The following GLCCI1 variants were observed in gnomAD, a reference collection of about 807,000 sequenced individuals.
GLCCI1 encodes the protein glucocorticoid-induced transcript 1 protein.
GLCCI1 carries 24 observed loss-of-function variants against 52.2 expected under a neutral mutation model. The ratio of observed to expected loss-of-function variants is 0.46; its 90% CI spans 0.33 to 0.65. The LOEUF (loss-of-function observed/expected upper bound fraction) is 0.65. Among genes scored for constraint, GLCCI1 ranks in the 30% least tolerant of loss-of-function variants. The probability of loss-of-function intolerance (pLI) is 0.02; values close to 1 mark genes in which losing one functional copy is unlikely to be tolerated. For missense variants in GLCCI1, 704 were observed against 701.5 expected (o/e 1.00, Z -0.04); for synonymous variants, 310 against 276.5 (o/e 1.12, Z -1.20).
chr7:7,991,768 A>T (rs1780842158), intron 1 of GLCCI1, among the ~76,000 whole-genome samples: 1 of 152,092 alleles, frequency 6.6e-6, no homozygotes, highest in African/African-American at 2.4e-5. Flanking sequence ...CATGGTAAAT[A>T]TCTTTCTCCA....
rs1272475112 is a variant in GLCCI1 at position 8,087,678 on chromosome 7, G to A, written c.*1140G>A. On this transcript the variant is annotated 3_prime_UTR_variant, in exon 8 of 8. Transcript: ENST00000223145. The stretch of plus-strand genomic sequence containing the variant: ...ATTGTCTTCCTCAAGCAGTTTAGGT[G>A]CATGATCTTCATTTACATAGAATAC... 2.0e-5 allele frequency: 3 copies of A among 152,610 alleles called. No homozygotes were observed. The highest frequency in any genetic ancestry group is 2.1e-4 in the South Asian group (1 of 4,832). 9.5% of individuals were successfully genotyped at this position (152,610 alleles called of 1,614,324 possible).
chr7:8,057,792 C>T (rs1038783227), intron 4 of GLCCI1, among the ~76,000 whole-genome samples: 8 of 151,960 alleles, frequency 5.3e-5, no homozygotes, highest in Non-Finnish European at 8.8e-5. Flanking sequence ...GAGTCCAGTG[C>T]GCTTACACTA....
chr7:8,049,532 T>C (rs1339490586), intron 3 of GLCCI1, among the ~76,000 whole-genome samples: 1 of 152,190 alleles, frequency 6.6e-6, no homozygotes, highest in African/African-American at 2.4e-5. Context: ...CATTATCTTT[T>C]AAAAACCAGA....
chr7:7,970,933 A>ATT (rs5882147), intron 1 of GLCCI1, among the ~76,000 whole-genome samples: 101 of 149,000 alleles, frequency 6.8e-4, no homozygotes, highest in South Asian at 1.7e-3. Context: ...GGTATGTGGA[A>ATT]TTTTTTTTTT....
intron 3 of GLCCI1, among the ~76,000 whole-genome samples, chr7:8,053,300 T>G (rs1233051848): frequency 5.1e-5 from 6 of 117,336 alleles, no homozygotes; most frequent in East Asian, 2.1e-4. Flanking sequence ...TTTTGTTTTG[T>G]TTTTTTTTGT....
intron 1 of GLCCI1, among the ~76,000 whole-genome samples, chr7:7,998,653 C>T (rs1583958571): frequency 6.6e-6 from 1 of 152,120 alleles, no homozygotes; most frequent in East Asian, 1.9e-4. Context: ...AGCATTCTAC[C>T]TTAGAGTGTT....
chr7:8,067,386 A>C (rs1782653812), intron 5 of GLCCI1, among the ~76,000 whole-genome samples: 1 of 152,184 alleles, frequency 6.6e-6, no homozygotes, highest in African/African-American at 2.4e-5. Flanking sequence ...ATTCAAGGTT[A>C]ATATTGATAT....
At chr7:8,083,485 G>C (rs187004964) in intron 6 of GLCCI1, among the ~76,000 whole-genome samples, 17 of 152,246 alleles carry the variant, frequency 1.1e-4, no homozygotes, top group Admixed American at 1.1e-3. Context: ...GTATCAACCT[G>C]AGACAATCCT....
chr7:8,003,272 T>G (rs1387506068), intron 1 of GLCCI1, among the ~76,000 whole-genome samples: 1 of 152,168 alleles, frequency 6.6e-6, no homozygotes, highest in Non-Finnish European at 1.5e-5. Flanking sequence ...ACATCTGAAC[T>G]GGTCTTGAAG....
intron 1 of GLCCI1, among the ~76,000 whole-genome samples, chr7:7,991,995 TCTAAGG>T (rs1780846127): frequency 6.6e-6 from 1 of 152,042 alleles, no homozygotes; most frequent in African/African-American, 2.4e-5. Flanking sequence ...AACTTACCTC[TCTAAGG>T]CTAGCCAATT....
chr7:8,076,439 A>C (rs1323288085), intron 6 of GLCCI1, among the ~76,000 whole-genome samples: 1 of 152,214 alleles, frequency 6.6e-6, no homozygotes, highest in Non-Finnish European at 1.5e-5. Flanking sequence ...TCTAGAATTC[A>C]TGTCCCTAAG....
rs35255634 is a variant in GLCCI1 at position 7,976,479 on chromosome 7, CAAAAAAAAAA to C, written c.457+6682_457+6691del. The stretch of plus-strand genomic sequence containing the variant: ...GGGCAACAAGAGTGAAACTCCATCT[CAAAAAAAAAA>C]AAAAAAAAAGGAAAGGAAAAAGGAA... On this transcript the variant is annotated intron_variant, in intron 1 of 7. Transcript: ENST00000223145. 5.3e-4 allele frequency among the ~76,000 whole-genome samples: 13 copies of C among 24,682 alleles called. No homozygotes were observed. The East Asian group carries it at 0.012, about 23-fold the overall frequency. The allele number at this position is 24,682 out of a possible 152,430, so 16.2% of individuals were successfully genotyped here.
At chr7:8,048,570 C>T (rs748473154) in intron 3 of GLCCI1, among the ~76,000 whole-genome samples, 1 of 152,104 alleles carries the variant, frequency 6.6e-6, no homozygotes, top group Non-Finnish European at 1.5e-5. Flanking sequence ...ATGAGTCTTT[C>T]CAAGTTGTTC....
At chr7:8,036,822 A>G (rs755799035) in intron 3 of GLCCI1, among the ~76,000 whole-genome samples, 3 of 152,214 alleles carry the variant, frequency 2.0e-5, no homozygotes, top group Admixed American at 1.3e-4. Flanking sequence ...GCATGAAGAC[A>G]GGTCCTGCAA....
chr7:8,073,092 C>T (rs1395393541), intron 6 of GLCCI1, among the ~76,000 whole-genome samples: 3 of 152,154 alleles, frequency 2.0e-5, no homozygotes, highest in African/African-American at 7.2e-5. Flanking sequence ...ACTCTCCTGC[C>T]AGGGTCTTTT....
chr7:8,008,646 C>T (rs897154290), intron 2 of GLCCI1, among the ~76,000 whole-genome samples: 2 of 152,076 alleles, frequency 1.3e-5, no homozygotes, highest in Admixed American at 6.5e-5. Context: ...ATTCATTTAT[C>T]GGAACTTACC....
At chr7:8,054,395 A>C (rs1052074452) in intron 3 of GLCCI1, among the ~76,000 whole-genome samples, 1 of 152,176 alleles carries the variant, frequency 6.6e-6, no homozygotes, top group Admixed American at 6.5e-5. Flanking sequence ...GCTTTAAAAA[A>C]CTTAAAAGGA....
intron 3 of GLCCI1, among the ~76,000 whole-genome samples, chr7:8,053,634 CCTAA>C (rs1298899518): frequency 3.3e-5 from 5 of 151,800 alleles, no homozygotes; most frequent in Admixed American, 2.6e-4. Flanking sequence ...TGACTTATTC[CCTAA>C]CTAATGTTTT....
chr7:8,015,211 G>T (rs911234353), intron 2 of GLCCI1, among the ~76,000 whole-genome samples: 3 of 152,164 alleles, frequency 2.0e-5, no homozygotes, highest in Admixed American at 2.0e-4. Flanking sequence ...AAGGAGCTTG[G>T]TTAGGGAGGA....
Sources: allele counts gnomAD v4.1 joint callset (sites outside exome capture counted in the v4.1 genomes callset), GRCh38; gene constraint gnomAD v4.1.1; transcripts MANE v1.5; gene names NCBI Gene and HGNC (gene_info 2026-07-23, HGNC 2026-07-21).